The following LSM8 variants were observed in gnomAD, a reference collection of about 807,000 sequenced individuals.
LSM8 encodes the protein LSM8 homolog, U6 small nuclear RNA associated, also known as LSM8 U6 small nuclear RNA associated.
Under a neutral mutation model 15.0 loss-of-function variants are expected in LSM8, and 14 were observed. The ratio of observed to expected loss-of-function variants is 0.93; its 90% confidence interval spans 0.62 to 1.46. The LOEUF is 1.46. LSM8 is among the 40% of genes most tolerant of loss of function. The pLI, the probability that LSM8 is intolerant of heterozygous loss-of-function variation, is 0.00. For synonymous variants in LSM8, 50 were observed against 42.1 expected, an observed-to-expected ratio of 1.19 and a Z score of -0.73; for missense variants, 90 against 115.4, an observed-to-expected ratio of 0.78 and a Z score of 1.01.
At chr7:118,188,228 T>C (rs755447064) in intron 2 of LSM8, 50 bp from the exon 3 acceptor site, 44 of 1,595,656 alleles carry the variant, frequency 2.8e-5, no homozygotes, top group Non-Finnish European at 3.5e-5. Flanking sequence ...ATTTACACTT[T>C]CAGGTAAACC....
chr7:118,189,623 G>C (rs1176297917), intron 3 of LSM8: 1 of 152,278 alleles, frequency 6.6e-6, no homozygotes, highest in East Asian at 1.9e-4. Context: ...CACTTTGAGA[G>C]GCCAAGGTGG....
In LSM8 at chr7:118,203,070, CCTAA is replaced by C. The variant is rs1350169336; in HGVS notation, c.*11071_*11074del. Among the ~76,000 whole-genome samples, 1 of 151,822 alleles carries C rather than the reference CCTAA, an allele frequency of 6.6e-6. No individual in the cohort carries two copies. Among genetic ancestry groups the C allele is most frequent in the African/African-American group, 2.4e-5 (1 of 41,360 alleles). On this transcript the variant is annotated 3_prime_UTR_variant, in exon 4 of 4. Coordinates refer to ENST00000249299, the MANE Select transcript of LSM8 (RefSeq NM_016200.5). The stretch of plus-strand genomic sequence containing the variant: ...TGAACAATACTTTCATCCATCTTGA[CCTAA>C]CTGCCATTTATAGAACGTTCTATCC...
chr7:118,192,263 A>G lies in LSM8; in HGVS notation c.*261A>G. On this transcript the variant is annotated 3_prime_UTR_variant, in exon 4 of 4. Coordinates refer to ENST00000249299, the MANE Select transcript of LSM8 (RefSeq NM_016200.5). ...GGCATTTTGAAAACTTTTAGAAAAA[A>G]GTAGTACTTTTTGATACTTTAGTAT... is the stretch of plus-strand genomic sequence containing the variant. 3.5e-6 allele frequency: 1 copy of G among 287,500 alleles called. No individual in the cohort carries two copies. Among genetic ancestry groups the G allele is most frequent in the African/African-American group, 2.2e-5 (1 of 45,218 alleles). The allele number at this position is 287,500 out of a possible 1,614,324, so 17.8% of individuals were successfully genotyped here.
chr7:118,185,547 T>C, intron 1 of LSM8, 107 bp from the exon 2 acceptor site: 1 of 991,702 alleles, frequency 1.0e-6, no homozygotes, highest in South Asian at 1.4e-5. Context: ...TGTTGAATAC[T>C]TATACCTAGT....
chr7:118,198,024 T>A lies in LSM8; in HGVS notation c.*6022T>A, dbSNP rs1259365242. Among the ~76,000 whole-genome samples the A allele has an allele frequency of 3.3e-5, 5 of 152,164 alleles. No individual in the cohort carries two copies. The highest frequency in any genetic ancestry group is 2.9e-5 in the Non-Finnish European group (2 of 68,014). On this transcript the variant is annotated 3_prime_UTR_variant, in exon 4 of 4. Coordinates refer to ENST00000249299, the MANE Select transcript of LSM8 (RefSeq NM_016200.5). ...AAGTACTAAGAAGTAATTGATAGCA[T>A]TCCCTGATAATTTTGGTGAAAAGAA...
chr7:118,187,080 G>C (rs1332427507), intron 2 of LSM8, among the ~76,000 whole-genome samples: 3 of 152,152 alleles, frequency 2.0e-5, no homozygotes, highest in African/African-American at 7.2e-5. Flanking sequence ...GTAAAATGAA[G>C]TCAAGAAGTT....
intron 3 of LSM8, 159 bp from the exon 4 acceptor site, chr7:118,191,753 C>A (rs1562862502): frequency 1.7e-6 from 1 of 577,298 alleles, no homozygotes; most frequent in African/African-American, 1.9e-5. Flanking sequence ...CTGACTCACG[C>A]CAATGTTGTT....
In LSM8 at chr7:118,198,152, T is replaced by G. The variant is rs1283298249; in HGVS notation, c.*6150T>G. Among the ~76,000 whole-genome samples, 1 of 152,154 alleles carries G rather than the reference T, an allele frequency of 6.6e-6. No individual in the cohort carries two copies. Among genetic ancestry groups the G allele is most frequent in the Admixed American group, 6.6e-5 (1 of 15,260 alleles). On this transcript the variant is annotated 3_prime_UTR_variant, in exon 4 of 4. Transcript: ENST00000249299. The stretch of plus-strand genomic sequence containing the variant: ...TGTTTTTAATCACATATTTTAAAAT[T>G]AAAAATTTGATCAAATTTTTAAAAG...
intron 3 of LSM8, chr7:118,190,922 T>C (rs1218030269): frequency 6.6e-6 from 1 of 152,052 alleles, no homozygotes; most frequent in Admixed American, 6.6e-5. Context: ...CTAGCCAACG[T>C]GGTGAAACCC....
At position 118,193,539 on chromosome 7, in the gene LSM8, G is replaced by A. The variant is rs1388800573; in HGVS notation, c.*1537G>A. ...AATTATTTGGTTGATGTTAAGGGCT[G>A]TCTCTGGGAGAATTAGAGAAGTTAG... On this transcript the variant is annotated 3_prime_UTR_variant, in exon 4 of 4. Coordinates refer to ENST00000249299, the MANE Select transcript of LSM8 (RefSeq NM_016200.5). Among the ~76,000 whole-genome samples, 1 of 152,092 alleles carries A rather than the reference G, an allele frequency of 6.6e-6. No homozygotes were observed. Among genetic ancestry groups the A allele is most frequent in the African/African-American group, 2.4e-5 (1 of 41,428 alleles).
At chr7:118,184,433 GCC>G in intron 1 of LSM8, 179 bp downstream of exon 1, 2 of 644,674 alleles carry the variant, frequency 3.1e-6, no homozygotes, top group Non-Finnish European at 4.7e-6. Flanking sequence ...GCTGCTGCGG[GCC>G]CAGGGGTCCT....
chr7:118,185,582 A>G (rs1269483986), intron 1 of LSM8, 72 bp from the exon 2 acceptor site: 1 of 1,338,020 alleles, frequency 7.5e-7, no homozygotes. Flanking sequence ...TAAAAATTCA[A>G]ATCATTCCCT....
At chr7:118,184,321 G>A in intron 1 of LSM8, 67 bp downstream of exon 1, 1 of 1,410,388 alleles carries the variant, frequency 7.1e-7, no homozygotes, top group Non-Finnish European at 9.3e-7. Flanking sequence ...GGGGATCGGT[G>A]GGAGGTTGGG....
chr7:118,190,307 C>G (rs1808957452), intron 3 of LSM8: 1 of 152,116 alleles, frequency 6.6e-6, no homozygotes, highest in African/African-American at 2.4e-5. Context: ...GTCTCTGGAT[C>G]AGAACAACAC....
chr7:118,194,078 ACC>A lies in LSM8; in HGVS notation c.*2077_*2078del, dbSNP rs911315086. Among the ~76,000 whole-genome samples the A allele has an allele frequency of 6.6e-6, 1 of 152,116 alleles. No homozygotes were observed. Among genetic ancestry groups the A allele is most frequent in the Non-Finnish European group, 1.5e-5 (1 of 67,966 alleles). ...GCACATGGTGGACTGTTTTCTCACA[ACC>A]GATTAAAATTGGATTTATTTTTGCA... On this transcript the variant is annotated 3_prime_UTR_variant, in exon 4 of 4. Coordinates refer to ENST00000249299, the MANE Select transcript of LSM8 (RefSeq NM_016200.5).
At chr7:118,188,630 A>G in intron 3 of LSM8, 1 of 335,900 alleles carries the variant, frequency 3.0e-6, no homozygotes, top group Non-Finnish European at 5.3e-6. Flanking sequence ...CTCTCTACAA[A>G]TTAAACTTTT....
intron 1 of LSM8, 110 bp from the exon 2 acceptor site, chr7:118,185,544 T>C: frequency 1.1e-6 from 1 of 944,312 alleles, no homozygotes; most frequent in Non-Finnish European, 1.7e-6. Flanking sequence ...CTGTGTTGAA[T>C]ACTTATACCT....
In LSM8 at chr7:118,199,880, C is replaced by T. The variant is rs530092448; in HGVS notation, c.*7878C>T. Among the ~76,000 whole-genome samples, 5 of 152,092 alleles carry T rather than the reference C, an allele frequency of 3.3e-5. No homozygotes were observed. The highest frequency in any genetic ancestry group is 2.1e-4 in the South Asian group (1 of 4,816). ...ACTAGGCTGGACTGAGTGGTGAATA[C>T]GTTGATATAGCAATTTAATAAATGT... is the stretch of plus-strand genomic sequence containing the variant. On this transcript the variant is annotated 3_prime_UTR_variant, in exon 4 of 4. Transcript: ENST00000249299.
rs1265449804 is a variant in LSM8 at position 118,194,921 on chromosome 7, C to G, written c.*2919C>G. On this transcript the variant is annotated 3_prime_UTR_variant, in exon 4 of 4. Coordinates refer to ENST00000249299, the MANE Select transcript of LSM8 (RefSeq NM_016200.5). ...ATTGAGGCTCAGCAGGGTCAAGTGACTTGTAAGAGGTAGCACTAGTAAGTA... is the reference window on the plus strand; with the variant it reads ...ATTGAGGCTCAGCAGGGTCAAGTGAGTTGTAAGAGGTAGCACTAGTAAGTA... Among the ~76,000 whole-genome samples, 1 of 152,064 alleles carries G rather than the reference C, an allele frequency of 6.6e-6. No homozygotes were observed. The highest frequency in any genetic ancestry group is 1.5e-5 in the Non-Finnish European group (1 of 67,986).
Sources: allele counts gnomAD v4.1 joint callset (sites outside exome capture counted in the v4.1 genomes callset), GRCh38; gene constraint gnomAD v4.1.1; transcripts MANE v1.5; gene names NCBI Gene and HGNC (gene_info 2026-07-23, HGNC 2026-07-21).